The following COL6A5 variants were observed in gnomAD, a reference collection of about 807,000 sequenced individuals.
COL6A5 encodes the protein collagen alpha-5(VI) chain.
Under a neutral mutation model 65.6 loss-of-function variants are expected in COL6A5, and 48 were observed. That is an observed-to-expected ratio of 0.73 (90% confidence interval 0.58 to 0.93). The LOEUF is 0.93. Among genes scored for constraint, COL6A5 ranks in the 40% least tolerant of loss-of-function variants. The probability of loss-of-function intolerance (pLI) is 0.00; values close to 1 mark genes in which losing one functional copy is unlikely to be tolerated. For synonymous variants in COL6A5, 291 were observed against 322.8 expected (o/e 0.90, Z 1.05); for missense variants, 914 against 928.3 (o/e 0.98, Z 0.20).
chr3:130,379,139 C>T (rs1452569150), intron 3 of COL6A5, among the ~76,000 whole-genome samples: 2 of 151,722 alleles, frequency 1.3e-5, no homozygotes, highest in Non-Finnish European at 2.9e-5. Flanking sequence ...GTGGTGATGG[C>T]GGTCATGGAG....
At chr3:130,472,266 A>T (rs1420680137) in intron 7 of COL6A5, among the ~76,000 whole-genome samples, 1 of 151,916 alleles carries the variant, frequency 6.6e-6, no homozygotes, top group African/African-American at 2.4e-5. Flanking sequence ...CTGTGCAAGG[A>T]GCCTCCAGAG....
intron 6 of COL6A5, among the ~76,000 whole-genome samples, chr3:130,390,492 GAAAGAGTCCACACTTTGGA>G (rs1241928341): frequency 6.6e-6 from 1 of 152,172 alleles, no homozygotes; most frequent in African/African-American, 2.4e-5. Context: ...AAAGAGTGGG[GAAAGAGTCCACACTTTGGA>G]AAGCCAGCCA....
rs534714005 is a variant in COL6A5, at chr3:130,424,998, A to G, written c.5163+1098A>G. On this transcript the variant is annotated intron_variant and NMD_transcript_variant, in intron 29 of 41. Transcript: ENST00000312481. ...AAGTTATTTAAGGGCTCGCTCTTTC[A>G]GGACATCCTCTCCATGGTTCTGATT... Among the ~76,000 whole-genome samples the G allele has an allele frequency of 5.8e-4, 88 of 152,244 alleles. 1 individual carries two copies. The highest frequency in any genetic ancestry group is 6.8e-3 in the Middle Eastern group (2 of 294).
At position 130,355,958 on chromosome 3, in the gene COL6A5, G is replaced by C. The variant is rs571327626; in HGVS notation, c.-29+9977G>C. Among the ~76,000 whole-genome samples, 6 of 152,244 alleles carry C rather than the reference G, an allele frequency of 3.9e-5. No individual in the cohort carries two copies. The South Asian group carries it at 1.2e-3, about 32-fold the overall frequency. ...AAGACATACTACCCAAGAGGAAGCA[G>C]GGTTTATGATGTTATATCAGAAAAT... On this transcript the variant is annotated intron_variant and NMD_transcript_variant, in intron 1 of 41. Coordinates refer to the COL6A5 transcript ENST00000312481.
At chr3:130,481,611 G>A (rs1710241750) in intron 7 of COL6A5, among the ~76,000 whole-genome samples, 1 of 152,142 alleles carries the variant, frequency 6.6e-6, no homozygotes, top group African/African-American at 2.4e-5. Context: ...GATCCTTGAG[G>A]AATCGCCGCA....
chr3:130,484,231 C>A, exon 8 of COL6A5: 1 of 578,326 alleles, frequency 1.7e-6, no homozygotes, highest in Non-Finnish European at 3.0e-6. Flanking sequence ...GAAGAATTTT[C>A]GGAGTGAAGA....
At chr3:130,403,844 G>A (rs1222228682) in intron 13 of COL6A5, among the ~76,000 whole-genome samples, 182 bp downstream of exon 13, 3 of 152,054 alleles carry the variant, frequency 2.0e-5, no homozygotes, top group African/African-American at 7.2e-5. Context: ...TTGTTTATAT[G>A]TTTATTTTTG....
At chr3:130,462,361 G>A (rs1413944460) in intron 5 of COL6A5, among the ~76,000 whole-genome samples, 4 of 152,108 alleles carry the variant, frequency 2.6e-5, no homozygotes, top group Non-Finnish European at 5.9e-5. Context: ...GTTTCTGAGA[G>A]CATCTGTACA....
At chr3:130,376,487 G>T (rs761462599) in exon 3 of COL6A5, 1 of 1,607,050 alleles carries the variant, frequency 6.2e-7, no homozygotes, top group Non-Finnish European at 8.5e-7. Context: ...TCATTGGCGG[G>T]TCCCTGCAGA....
Position 130,380,256 on chromosome 3 carries a change from T to C in COL6A5, c.1300+206T>C, listed in dbSNP as rs1935950323. Among the ~76,000 whole-genome samples the C allele has an allele frequency of 3.3e-5, 5 of 152,262 alleles. No individual in the cohort carries two copies. In the South Asian group the frequency reaches 6.2e-4, roughly 19 times the overall value. On this transcript the variant is annotated intron_variant and NMD_transcript_variant, in intron 4 of 41. Coordinates refer to the COL6A5 transcript ENST00000312481. ...CAATACACTTACAAGAGGTCAATTTTATAACATATAAATCACACCTCAATA... is the reference window on the plus strand; with the variant it reads ...CAATACACTTACAAGAGGTCAATTTCATAACATATAAATCACACCTCAATA...
intron 1 of COL6A5, among the ~76,000 whole-genome samples, chr3:130,352,209 T>C (rs1648776365): frequency 1.3e-5 from 2 of 151,894 alleles, no homozygotes; most frequent in African/African-American, 2.4e-5. Context: ...CTAATGTAAA[T>C]GATGAGTTGA....
At chr3:130,470,952 C>T (rs1482183713) in exon 7 of COL6A5, 1 of 1,611,168 alleles carries the variant, frequency 6.2e-7, no homozygotes, top group African/African-American at 1.3e-5. Context: ...AACGGTGGCA[C>T]AGAAAACACT....
intron 4 of COL6A5, among the ~76,000 whole-genome samples, chr3:130,447,103 A>G (rs895085311): frequency 6.6e-5 from 10 of 152,166 alleles, no homozygotes; most frequent in Non-Finnish European, 1.3e-4. Flanking sequence ...AAATGAATCA[A>G]AAGCCTTACT....
chr3:130,355,558 C>G (rs573520769), intron 1 of COL6A5, among the ~76,000 whole-genome samples: 1 of 151,930 alleles, frequency 6.6e-6, no homozygotes, highest in South Asian at 2.1e-4. Context: ...ATATACACCT[C>G]TCAAATACTT....
chr3:130,455,150 CAAAA>C (rs62929660), intron 4 of COL6A5, among the ~76,000 whole-genome samples: 1 of 130,206 alleles, frequency 7.7e-6, no homozygotes, highest in African/African-American at 2.9e-5. Flanking sequence ...GACCCTGTCT[CAAAA>C]AAAAAAAAAC....
intron 8 of COL6A5, among the ~76,000 whole-genome samples, chr3:130,397,253 CAG>C (rs899620163): frequency 1.3e-5 from 2 of 152,082 alleles, no homozygotes; most frequent in African/African-American, 4.8e-5. Context: ...ACACATACGA[CAG>C]AGTCACTGAG....
At chr3:130,361,853 T>G (rs1935119619) in intron 1 of COL6A5, among the ~76,000 whole-genome samples, 1 of 152,158 alleles carries the variant, frequency 6.6e-6, no homozygotes, top group Non-Finnish European at 1.5e-5. Context: ...TTCATATGCT[T>G]GTTAGCCATC....
chr3:130,462,315 T>C (rs1709720660), intron 5 of COL6A5, among the ~76,000 whole-genome samples: 1 of 152,076 alleles, frequency 6.6e-6, no homozygotes, highest in African/African-American at 2.4e-5. Flanking sequence ...CTCCTTGAAG[T>C]TAAGCATGCG....
At position 130,422,783 on chromosome 3, in the gene COL6A5, GTAAGTAGCC is replaced by G. The variant is rs1205728402; in HGVS notation, c.5100+4_5100+12del. ...ACCCAAAGGATTTAGGGGACTAGCA[GTAAGTAGCC>G]TATAATTCCAGAAATGATAAATATT... On this transcript the variant is annotated splice_donor_variant and splice_donor_5th_base_variant and intron_variant and NMD_transcript_variant, in intron 28 of 41. Coordinates refer to the COL6A5 transcript ENST00000312481. 3 of 1,483,030 alleles carry G rather than the reference GTAAGTAGCC, an allele frequency of 2.0e-6. No individual in the cohort carries two copies. In the African/African-American group the frequency reaches 4.3e-5, roughly 21 times the overall value. 91.9% of individuals were successfully genotyped at this position (1,483,030 alleles called of 1,614,324 possible). A position where few individuals can be genotyped will look rare whatever the true frequency, so the allele number is the denominator to read the frequency against.
Sources: gnomAD v4.1 joint callset for allele counts (sites outside exome capture counted in the v4.1 genomes callset) on GRCh38, gnomAD v4.1.1 for gene constraint, MANE v1.5 for transcripts, NCBI Gene and HGNC (gene_info 2026-07-23, HGNC 2026-07-21) for gene names.